Variants in WWOX observed in about 807,000 individuals in gnomAD.
The protein encoded by WWOX is WW domain containing oxidoreductase.
In WWOX, 69 loss-of-function variants were observed where a neutral mutation model predicts 46.2. That is an observed-to-expected ratio of 1.49 (90% CI 1.23 to 1.82). The LOEUF (loss-of-function observed/expected upper bound fraction) is 1.82. Ranked by LOEUF, WWOX falls within the 40% of genes most tolerant of loss-of-function variation. WWOX has a pLI of 0.00. For synonymous variants in WWOX, 359 were observed against 202.6 expected (o/e 1.77, Z -6.56); for missense variants, 919 against 542.6 (o/e 1.69, Z -6.89).
chr16:78,908,552 A>AT (rs1032062780), intron 8 of WWOX, among the ~76,000 whole-genome samples: 10 of 151,360 alleles, frequency 6.6e-5, no homozygotes, highest in African/African-American at 2.4e-4. Flanking sequence ...AAAAAAAAAA[A>AT]AGAGTTTAAT....
At chr16:78,703,219 C>T (rs925454199) in intron 8 of WWOX, among the ~76,000 whole-genome samples, 1 of 151,954 alleles carries the variant, frequency 6.6e-6, no homozygotes, top group Non-Finnish European at 1.5e-5. Context: ...TGTCTCTTTT[C>T]TCTGTGTGTC....
chr16:78,965,395 C>G (rs1191126088), intron 8 of WWOX, among the ~76,000 whole-genome samples: 1 of 151,924 alleles, frequency 6.6e-6, no homozygotes, highest in East Asian at 1.9e-4. Flanking sequence ...ATGGTGAAAC[C>G]CCATCTGTAC....
intron 5 of WWOX, among the ~76,000 whole-genome samples, chr16:78,295,110 C>A (rs555984393): frequency 7.9e-4 from 121 of 152,226 alleles, no homozygotes; most frequent in African/African-American, 2.8e-3. Context: ...TGGAGGAAAT[C>A]CAGGAGTCTC....
At chr16:78,892,168 G>A (rs1281162420) in intron 8 of WWOX, 4 of 151,934 alleles carry the variant, frequency 2.6e-5, no homozygotes, top group South Asian at 2.1e-4. Context: ...TGAGACCAGC[G>A]GAATCTAAGA....
chr16:78,646,514 G>A (rs1164817378), intron 8 of WWOX, among the ~76,000 whole-genome samples: 1 of 151,964 alleles, frequency 6.6e-6, no homozygotes, highest in Non-Finnish European at 1.5e-5. Context: ...TGCATCCCCT[G>A]TCTCCCGGAT....
intron 6 of WWOX, among the ~76,000 whole-genome samples, chr16:78,410,559 C>G (rs927833684): frequency 2.6e-5 from 4 of 152,050 alleles, no homozygotes; most frequent in African/African-American, 4.8e-5. Flanking sequence ...CCTGTTATCA[C>G]AGCACTTTGG....
At chr16:78,645,187 G>A (rs958891917) in intron 8 of WWOX, among the ~76,000 whole-genome samples, 1 of 152,070 alleles carries the variant, frequency 6.6e-6, no homozygotes, top group Admixed American at 6.5e-5. Context: ...TCCATGTACT[G>A]GTTTCTCTCC....
rs114612539 is a variant in WWOX, at chr16:79,126,004, T to G, written c.1057-85604T>G. Among the ~76,000 whole-genome samples, 471 of 152,322 alleles carry G rather than the reference T, an allele frequency of 3.1e-3. 3 individuals carry two copies. The highest frequency in any genetic ancestry group is 0.011 in the African/African-American group (466 of 41,572). ...TCTTTCAGTACATACATACAGTAGG[T>G]GCTTAGTAGATGTTTACTGAATGAA... On this transcript the variant is annotated intron_variant, in intron 8 of 8. Transcript: ENST00000566780.
In WWOX at chr16:78,110,531, A is replaced by G. The variant is rs560823096; in HGVS notation, c.230+696A>G. Among the ~76,000 whole-genome samples the G allele has an allele frequency of 3.3e-5, 5 of 152,304 alleles. No individual in the cohort carries two copies. The East Asian group carries it at 9.7e-4, about 29-fold the overall frequency. On this transcript the variant is annotated intron_variant, in intron 3 of 8. Transcript: ENST00000566780. ...TTATCAAATTGCCTATTGGACATTA[A>G]TGCTAAATTCCTGTTATAGAGAACC... is the stretch of plus-strand genomic sequence containing the variant.
At chr16:78,984,041 C>G (rs562353636) in intron 8 of WWOX, among the ~76,000 whole-genome samples, 366 of 150,588 alleles carry the variant, frequency 2.4e-3, no homozygotes, top group Non-Finnish European at 4.0e-3. Context: ...CCATGCCCGG[C>G]TATTTTTTTT....
chr16:79,126,565 A>T (rs1486033764), intron 8 of WWOX, among the ~76,000 whole-genome samples: 2 of 152,090 alleles, frequency 1.3e-5, no homozygotes, highest in Non-Finnish European at 2.9e-5. Context: ...CCATGGTGGT[A>T]AGTTTCCTGA....
chr16:78,267,296 C>A (rs2079387481), intron 5 of WWOX, among the ~76,000 whole-genome samples: 1 of 152,190 alleles, frequency 6.6e-6, no homozygotes, highest in Non-Finnish European at 1.5e-5. Context: ...CTTTCTGCTT[C>A]ATTTATGTGT....
chr16:78,466,450 T>A (rs1045045382), intron 8 of WWOX, among the ~76,000 whole-genome samples: 2 of 152,222 alleles, frequency 1.3e-5, no homozygotes, highest in South Asian at 4.2e-4. Flanking sequence ...ATTTATGTTA[T>A]GTGAATTTCA....
Position 78,164,294 on chromosome 16 carries a change from G to C in WWOX, c.516+5G>C. The C allele has an allele frequency of 6.2e-7, 1 of 1,613,272 alleles. No individual in the cohort carries two copies. On this transcript the variant is annotated splice_donor_5th_base_variant and intron_variant, in intron 5 of 8. Coordinates refer to ENST00000566780, the MANE Select transcript of WWOX (RefSeq NM_016373.4). ...TCACGCATTTTAGAAGAATGGGTAA[G>C]TGCTTGACTGTTGTTGTTTTTTTTA...
chr16:78,740,188 C>T (rs1346264227), intron 8 of WWOX, among the ~76,000 whole-genome samples: 1 of 152,162 alleles, frequency 6.6e-6, no homozygotes, highest in Non-Finnish European at 1.5e-5. Flanking sequence ...TGAGCTCCAG[C>T]ACCATCAGCC....
In WWOX at chr16:78,953,611, C is replaced by G. The variant is rs1341370547; in HGVS notation, c.1057-257997C>G. 3.3e-5 allele frequency among the ~76,000 whole-genome samples: 5 copies of G among 152,186 alleles called. No homozygotes were observed. The East Asian group carries it at 9.6e-4, about 29-fold the overall frequency. On this transcript the variant is annotated intron_variant, in intron 8 of 8. Transcript: ENST00000566780. ...TCCCCTCCACTGTTGCCTCAATGCC[C>G]AGCTCAGCCCAGTGGGTACCGTACT...
At chr16:79,017,767 G>T (rs867933713) in intron 8 of WWOX, among the ~76,000 whole-genome samples, 2 of 151,718 alleles carry the variant, frequency 1.3e-5, no homozygotes, top group Admixed American at 1.3e-4. Flanking sequence ...GGCACGTTTT[G>T]ATATGAATAT....
At chr16:78,822,315 G>A (rs779443311) in intron 8 of WWOX, among the ~76,000 whole-genome samples, 6 of 152,036 alleles carry the variant, frequency 3.9e-5, no homozygotes, top group East Asian at 3.9e-4. Flanking sequence ...CTGACATGAC[G>A]AAACGCCATC....
At chr16:78,673,525 A>G (rs1044874431) in intron 8 of WWOX, among the ~76,000 whole-genome samples, 4 of 152,216 alleles carry the variant, frequency 2.6e-5, no homozygotes, top group African/African-American at 7.2e-5. Flanking sequence ...CAAGCCTTGC[A>G]TACTTGATTG....
Sources: gnomAD v4.1 joint callset for allele counts (sites outside exome capture counted in the v4.1 genomes callset) on GRCh38, gnomAD v4.1.1 for gene constraint, MANE v1.5 for transcripts, NCBI Gene and HGNC (gene_info 2026-07-23, HGNC 2026-07-21) for gene names.